PSD3: variants seen among roughly 807,000 people sequenced by gnomAD.
PSD3 encodes PH and SEC7 domain-containing protein 3.
PSD3 carries 49 observed loss-of-function variants against 105.5 expected under a neutral mutation model. That is an observed-to-expected ratio of 0.46 (90% CI 0.37 to 0.59). PSD3 has a LOEUF of 0.59. PSD3 is among the 20% of genes least tolerant of loss of function. The pLI, the probability that PSD3 is intolerant of heterozygous loss-of-function variation, is 0.00. For missense variants in PSD3, 1,561 were observed against 1,263.8 expected, an observed-to-expected ratio of 1.24 and a Z score of -3.57; for synonymous variants, 557 against 457.8, an observed-to-expected ratio of 1.22 and a Z score of -2.77.
intron 1 of PSD3, among the ~76,000 whole-genome samples, chr8:18,955,013 T>C (rs1480633516): frequency 6.6e-6 from 1 of 152,182 alleles, no homozygotes; most frequent in Non-Finnish European, 1.5e-5. Context: ...GAGTACACAA[T>C]GTGCTAGTCA....
chr8:19,025,602 C>G (rs1056869993), intron 1 of PSD3, among the ~76,000 whole-genome samples: 1 of 152,168 alleles, frequency 6.6e-6, no homozygotes, highest in Non-Finnish European at 1.5e-5. Flanking sequence ...TCTCCTACCC[C>G]CCAGTATCAA....
intron 12 of PSD3, among the ~76,000 whole-genome samples, chr8:18,588,244 C>T (rs566913727): frequency 6.6e-6 from 1 of 152,060 alleles, no homozygotes; most frequent in Admixed American, 6.6e-5. Context: ...TTTAGTTTTA[C>T]AGATTAAGAA....
At chr8:18,715,691 A>G (rs1419995776) in intron 9 of PSD3, among the ~76,000 whole-genome samples, 1 of 152,228 alleles carries the variant, frequency 6.6e-6, no homozygotes, top group East Asian at 1.9e-4. Context: ...AGGCATAGCA[A>G]CAGGGCTCTG....
chr8:18,963,443 G>T (rs1824046635), intron 1 of PSD3, among the ~76,000 whole-genome samples: 1 of 152,112 alleles, frequency 6.6e-6, no homozygotes, highest in Non-Finnish European at 1.5e-5. Flanking sequence ...TCCCACTCAA[G>T]AATCTTAGCA....
chr8:19,044,035 G>A (rs534761068), intron 1 of PSD3, among the ~76,000 whole-genome samples: 2 of 152,258 alleles, frequency 1.3e-5, no homozygotes, highest in Non-Finnish European at 2.9e-5. Flanking sequence ...ACTGTGCTCT[G>A]CCTGCCCCTA....
chr8:18,632,785 C>A lies in PSD3; in HGVS notation c.2238G>T (p.Lys746Asn). The change falls in exon 11 of 16, where the codon AAG (lysine) becomes AAT (asparagine). Residue 746 changes from lysine to asparagine, a missense_variant. Lys to Asn is a moderately conservative substitution (Grantham distance 94, BLOSUM62 0). Transcript: ENST00000327040. Reference sequence around the variant, plus strand: ...TCTCCTCAGTACTTTCTGAGGGAGACTTTTTTTTCTCTTCATCATCTCTAA... The same window carrying A: ...TCTCCTCAGTACTTTCTGAGGGAGAATTTTTTTTCTCTTCATCATCTCTAA... Reference protein sequence around the residue: ...EWAVDDEEKKKSPSESTEEKA... With the variant: ...EWAVDDEEKKNSPSESTEEKA... 1 of 1,581,454 alleles carries A rather than the reference C, an allele frequency of 6.3e-7. No individual in the cohort carries two copies. The highest frequency in any genetic ancestry group is 8.7e-7 in the Non-Finnish European group (1 of 1,154,736).
intron 9 of PSD3, among the ~76,000 whole-genome samples, chr8:18,737,681 A>C (rs1563211879): frequency 6.6e-6 from 1 of 152,188 alleles, no homozygotes. Context: ...TCTTGCAAAT[A>C]TCAGTTTCGG....
intron 2 of PSD3, among the ~76,000 whole-genome samples, chr8:18,881,782 A>C (rs1229584551): frequency 6.6e-6 from 1 of 152,204 alleles, no homozygotes; most frequent in African/African-American, 2.4e-5. Context: ...TATAAACTCT[A>C]AAAGGCAAGA....
chr8:18,536,728 T>G (rs573263092), intron 15 of PSD3, among the ~76,000 whole-genome samples: 164 of 152,320 alleles, frequency 1.1e-3, no homozygotes, highest in Non-Finnish European at 1.6e-3. Context: ...CTAAGATTTT[T>G]TTTTTCTTTT....
At chr8:18,807,294 C>T (rs570440262) in intron 4 of PSD3, among the ~76,000 whole-genome samples, 166 of 152,314 alleles carry the variant, frequency 1.1e-3, no homozygotes, top group African/African-American at 3.8e-3. Context: ...TAACAAGTAG[C>T]TGCAAAGTCT....
intron 1 of PSD3, among the ~76,000 whole-genome samples, chr8:19,049,155 C>T (rs1042586211): frequency 8.5e-5 from 13 of 152,148 alleles, no homozygotes; most frequent in African/African-American, 2.9e-4. Flanking sequence ...TCGCCAAATA[C>T]AGTCACATTT....
At position 18,989,460 on chromosome 8, in the gene PSD3, T is replaced by C. The variant is rs564797064; in HGVS notation, c.21+24103A>G. The C allele has an allele frequency of 4.6e-5, 7 of 152,060 alleles. No homozygotes were observed. The South Asian group carries it at 6.2e-4, about 14-fold the overall frequency. 9.4% of individuals were successfully genotyped at this position (152,060 alleles called of 1,614,324 possible). On this transcript the variant is annotated intron_variant, in intron 1 of 15. Coordinates refer to ENST00000327040, the MANE Select transcript of PSD3 (RefSeq NM_015310.4). ...TTTATTTTTAACATGTAGAAGAGCATCAAAGAAAAAAGAAACACAGATTTT... is the reference window on the plus strand; with the variant it reads ...TTTATTTTTAACATGTAGAAGAGCACCAAAGAAAAAAGAAACACAGATTTT...
At chr8:18,694,705 G>T (rs2131008605) in intron 9 of PSD3, among the ~76,000 whole-genome samples, 1 of 152,074 alleles carries the variant, frequency 6.6e-6, no homozygotes, top group East Asian at 1.9e-4. Context: ...GCTGGGTGCA[G>T]TGGTTCACAT....
At chr8:18,882,373 T>C (rs1818163675) in intron 2 of PSD3, among the ~76,000 whole-genome samples, 1 of 152,186 alleles carries the variant, frequency 6.6e-6, no homozygotes, top group South Asian at 2.1e-4. Context: ...CTTCCTGATA[T>C]TAGAGCCAGT....
chr8:18,881,625 A>G (rs766912757), intron 2 of PSD3, among the ~76,000 whole-genome samples: 2 of 152,142 alleles, frequency 1.3e-5, no homozygotes, highest in African/African-American at 2.4e-5. Flanking sequence ...CCCAGACTAT[A>G]TGGCAGTCAC....
chr8:18,937,186 T>C (rs1171082147), intron 1 of PSD3, among the ~76,000 whole-genome samples: 1 of 152,116 alleles, frequency 6.6e-6, no homozygotes, highest in African/African-American at 2.4e-5. Flanking sequence ...TAAAAACAAG[T>C]AGCAAGGAAA....
intron 14 of PSD3, among the ~76,000 whole-genome samples, chr8:18,572,032 A>G (rs1006182234): frequency 2.0e-5 from 3 of 152,228 alleles, no homozygotes; most frequent in Non-Finnish European, 4.4e-5. Flanking sequence ...CTTTATCTTC[A>G]TTAGCTTGGA....
At position 18,665,529 on chromosome 8, in the gene PSD3, G is replaced by C. The variant is rs572862890; in HGVS notation, c.2173-9844C>G. 1.1e-4 allele frequency among the ~76,000 whole-genome samples: 17 copies of C among 152,344 alleles called. No homozygotes were observed. In the South Asian group the frequency reaches 3.3e-3, roughly 30 times the overall value. ...AAACTACCCCCGGTGAAGATGCTAT[G>C]AACACTGTTAAAATGACAAAAAAGG... On this transcript the variant is annotated intron_variant, in intron 9 of 15. Transcript: ENST00000327040.
intron 2 of PSD3, among the ~76,000 whole-genome samples, chr8:18,927,312 C>G (rs372978127): frequency 6.6e-6 from 1 of 152,120 alleles, no homozygotes; most frequent in African/African-American, 2.4e-5. Context: ...CTCCAGGGTT[C>G]AAGCAATTCT....
Sources: gnomAD v4.1 joint callset for allele counts (sites outside exome capture counted in the v4.1 genomes callset) on GRCh38, gnomAD v4.1.1 for gene constraint, MANE v1.5 for transcripts, NCBI Gene and HGNC (gene_info 2026-07-23, HGNC 2026-07-21) for gene names.